Variants in PLD5 observed in about 807,000 individuals in gnomAD.
The protein encoded by PLD5 is phospholipase D family member 5.
Under a neutral mutation model 61.1 loss-of-function variants are expected in PLD5, and 36 were observed. That is an observed-to-expected ratio of 0.59 (90% CI 0.45 to 0.78). The LOEUF is 0.78. Ranked by LOEUF, PLD5 falls within the 30% of genes least tolerant of loss-of-function variation. PLD5 has a pLI of 0.00. For missense variants in PLD5, 515 were observed against 644.4 expected, an observed-to-expected ratio of 0.80 and a Z score of 2.17; for synonymous variants, 243 against 242.8, an observed-to-expected ratio of 1.00 and a Z score of -0.01.
intron 1 of PLD5, among the ~76,000 whole-genome samples, chr1:242,393,209 T>A (rs11590131): frequency 0.25 from 16,490 of 65,214 alleles, 3,122 homozygotes; most frequent in Middle Eastern, 0.37. Flanking sequence ...CTCAAAAAAA[T>A]ATATATATAT....
chr1:242,129,424 G>A (rs144992487), intron 5 of PLD5, among the ~76,000 whole-genome samples: 4 of 152,230 alleles, frequency 2.6e-5, no homozygotes, highest in East Asian at 3.9e-4. Context: ...GGCTGCTGTC[G>A]ATGATGGAAA....
At chr1:242,445,531 G>C (rs189271149) in intron 1 of PLD5, among the ~76,000 whole-genome samples, 57 of 152,060 alleles carry the variant, frequency 3.7e-4, no homozygotes, top group Admixed American at 3.0e-3. Flanking sequence ...TATTAGAGAC[G>C]GGGTTTCACC....
intron 7 of PLD5, among the ~76,000 whole-genome samples, chr1:242,113,262 T>C (rs1303458722): frequency 4.0e-5 from 6 of 151,838 alleles, no homozygotes; most frequent in Non-Finnish European, 8.8e-5. Context: ...GCTAATTTTG[T>C]TTTTGTATTT....
intron 2 of PLD5, among the ~76,000 whole-genome samples, chr1:242,304,339 C>T (rs930685863): frequency 6.6e-6 from 1 of 152,176 alleles, no homozygotes; most frequent in Non-Finnish European, 1.5e-5. Context: ...ATTTTGGCTG[C>T]TATATTTCAA....
At chr1:242,097,323 A>G (rs1048837889) in intron 9 of PLD5, among the ~76,000 whole-genome samples, 1 of 152,238 alleles carries the variant, frequency 6.6e-6, no homozygotes, top group African/African-American at 2.4e-5. Flanking sequence ...AGGAATCGCC[A>G]CACTGAGTTC....
intron 1 of PLD5, among the ~76,000 whole-genome samples, chr1:242,434,518 A>G (rs1039380009): frequency 2.0e-5 from 3 of 152,222 alleles, no homozygotes; most frequent in East Asian, 1.9e-4. Flanking sequence ...GGGGATACCT[A>G]TGTAGGAGCT....
At chr1:242,389,823 A>G (rs1421106167) in intron 1 of PLD5, among the ~76,000 whole-genome samples, 2 of 152,048 alleles carry the variant, frequency 1.3e-5, no homozygotes, top group Non-Finnish European at 2.9e-5. Context: ...GTCAGCAAGC[A>G]TGGATTTATG....
intron 1 of PLD5, among the ~76,000 whole-genome samples, chr1:242,483,670 A>G (rs1345991416): frequency 1.3e-5 from 2 of 152,030 alleles, no homozygotes; most frequent in Non-Finnish European, 2.9e-5. Flanking sequence ...AGTTAACAAG[A>G]ATATCCAGGA....
chr1:242,201,953 G>T (rs1200359024), intron 5 of PLD5, among the ~76,000 whole-genome samples: 1 of 152,240 alleles, frequency 6.6e-6, no homozygotes. Context: ...AGTGGCTCAC[G>T]CCTGTAATCC....
intron 4 of PLD5, among the ~76,000 whole-genome samples, chr1:242,260,368 T>G (rs1433719265): frequency 2.0e-5 from 3 of 150,610 alleles, no homozygotes; most frequent in Admixed American, 2.0e-4. Context: ...AAAAGAATTG[T>G]CACGATTACT....
rs373363919 is a variant in PLD5 at position 242,336,895 on chromosome 1, C to A, written c.326+11211G>T. Among the ~76,000 whole-genome samples the A allele has an allele frequency of 9.8e-5, 15 of 152,306 alleles. No individual in the cohort carries two copies. The East Asian group carries it at 2.3e-3, about 24-fold the overall frequency. On this transcript the variant is annotated intron_variant, in intron 2 of 9. Transcript: ENST00000536534. ...GGAAGGCAGGGATCTCTGACCTATA[C>A]GTTTCTCTGTTTTGGTCAAACAAGT... is the stretch of plus-strand genomic sequence containing the variant.
At chr1:242,101,339 G>A (rs142101766) in intron 8 of PLD5, among the ~76,000 whole-genome samples, 1 of 152,142 alleles carries the variant, frequency 6.6e-6, no homozygotes, top group Non-Finnish European at 1.5e-5. Context: ...TTCAAACCGT[G>A]AATTCTGAAT....
At chr1:242,260,075 G>C (rs1232423575) in intron 4 of PLD5, among the ~76,000 whole-genome samples, 7 of 152,140 alleles carry the variant, frequency 4.6e-5, no homozygotes, top group Non-Finnish European at 1.0e-4. Flanking sequence ...TTGGCCAGGT[G>C]GGGTGGCTCA....
At chr1:242,372,479 T>G (rs1006059398) in intron 1 of PLD5, among the ~76,000 whole-genome samples, 11 of 152,172 alleles carry the variant, frequency 7.2e-5, no homozygotes, top group African/African-American at 2.4e-4. Flanking sequence ...GAGCCCGCAT[T>G]GCCAAGTCAA....
intron 1 of PLD5, among the ~76,000 whole-genome samples, chr1:242,397,445 C>G (rs1663657075): frequency 6.6e-6 from 1 of 151,660 alleles, no homozygotes; most frequent in Admixed American, 6.6e-5. Flanking sequence ...CTGCTATTAA[C>G]TTAGTCCTAA....
chr1:242,088,313 C>A lies in PLD5; in HGVS notation c.*1541G>T, dbSNP rs1177952968. On this transcript the variant is annotated 3_prime_UTR_variant, in exon 10 of 10. Coordinates refer to ENST00000536534, the MANE Select transcript of PLD5 (RefSeq NM_001372062.1). ...CCACCAGGGTTTCTGTGGGGCTGTGCTCTTTTCATCCACATTTGCAACAGG... is the reference window on the plus strand; with the variant it reads ...CCACCAGGGTTTCTGTGGGGCTGTGATCTTTTCATCCACATTTGCAACAGG... 2 of 152,146 alleles carry A rather than the reference C, an allele frequency of 1.3e-5. No individual in the cohort carries two copies. Among genetic ancestry groups the A allele is most frequent in the African/African-American group, 4.8e-5 (2 of 41,422 alleles). The allele number at this position is 152,146 out of a possible 1,614,324, so 9.4% of individuals were successfully genotyped here.
chr1:242,420,893 G>A (rs1237510451), intron 1 of PLD5, among the ~76,000 whole-genome samples: 3 of 152,092 alleles, frequency 2.0e-5, no homozygotes, highest in Middle Eastern at 3.2e-3. Flanking sequence ...TTTAAAAAGT[G>A]GTTGGCCGGG....
intron 5 of PLD5, among the ~76,000 whole-genome samples, chr1:242,152,282 T>A (rs1664987670): frequency 6.6e-6 from 1 of 152,132 alleles, no homozygotes; most frequent in Non-Finnish European, 1.5e-5. Flanking sequence ...GTCCTTTTTG[T>A]CTAATTCCCT....
chr1:242,416,178 ATTG>A (rs1315725539), intron 1 of PLD5, among the ~76,000 whole-genome samples: 9 of 152,120 alleles, frequency 5.9e-5, no homozygotes, highest in Non-Finnish European at 1.0e-4. Flanking sequence ...TATAATTTTC[ATTG>A]TTGTTGAGGA....
Sources: allele counts gnomAD v4.1 joint callset (sites outside exome capture counted in the v4.1 genomes callset), GRCh38; gene constraint gnomAD v4.1.1; transcripts MANE v1.5; gene names NCBI Gene and HGNC (gene_info 2026-07-23, HGNC 2026-07-21).